The following SS18 variants were observed in gnomAD, a reference collection of about 807,000 sequenced individuals.
SS18 encodes SS18 subunit of BAF chromatin remodeling complex.
Under a neutral mutation model 72.5 loss-of-function variants are expected in SS18, and 28 were observed. The observed-to-expected ratio is 0.39, with a 90% CI of 0.29 to 0.53. The LOEUF is 0.53. Among genes scored for constraint, SS18 ranks in the 20% least tolerant of loss-of-function variants. The pLI, the probability that SS18 is intolerant of heterozygous loss-of-function variation, is 0.76. For missense variants in SS18, 518 were observed against 535.3 expected (o/e 0.97, Z 0.32); for synonymous variants, 172 against 164.2 (o/e 1.05, Z -0.37).
chr18:26,053,161 A>T (rs2053952813), intron 4 of SS18, among the ~76,000 whole-genome samples: 1 of 152,188 alleles, frequency 6.6e-6, no homozygotes, highest in South Asian at 2.1e-4. Flanking sequence ...AGACTAACAG[A>T]TCGATTGAAC....
intron 3 of SS18, among the ~76,000 whole-genome samples, chr18:26,069,527 G>GA (rs2054277956): frequency 7.3e-6 from 1 of 137,646 alleles, no homozygotes; most frequent in Non-Finnish European, 1.6e-5. Flanking sequence ...AAAAAAAAAA[G>GA]AAAAAGAAAG....
intron 1 of SS18, among the ~76,000 whole-genome samples, chr18:26,089,267 G>A (rs532413333): frequency 6.6e-6 from 1 of 152,110 alleles, no homozygotes; most frequent in South Asian, 2.1e-4. Flanking sequence ...AAATAAAAAA[G>A]GTGAGCCCTC....
At chr18:26,073,444 G>A (rs1325535395) in intron 3 of SS18, among the ~76,000 whole-genome samples, 2 of 152,110 alleles carry the variant, frequency 1.3e-5, no homozygotes, top group East Asian at 3.8e-4. Flanking sequence ...ATAAAGATCA[G>A]AAATTAATCA....
Position 26,016,861 on chromosome 18 carries a change from C to T in SS18, c.*1493G>A. 4.3e-6 allele frequency: 1 copy of T among 230,834 alleles called. No individual in the cohort carries two copies. Among genetic ancestry groups the T allele is most frequent in the Non-Finnish European group, 8.6e-6 (1 of 116,306 alleles). 14.3% of individuals were successfully genotyped at this position (230,834 alleles called of 1,614,324 possible). A position where few individuals can be genotyped will look rare whatever the true frequency, so the allele number is the denominator to read the frequency against. ...CCTTTTGATTACAGTATGTTGAGAA[C>T]AGTATGTTCTGCTTATTCAAATTTA... On this transcript the variant is annotated 3_prime_UTR_variant, in exon 11 of 11. Coordinates refer to ENST00000415083, the MANE Select transcript of SS18 (RefSeq NM_001007559.3).
chr18:26,027,817 C>G (rs73401868), intron 10 of SS18, among the ~76,000 whole-genome samples: 2,096 of 150,482 alleles, frequency 0.014, 39 homozygotes, highest in African/African-American at 0.049. Flanking sequence ...CAAAATGAAT[C>G]ATAGACTTAA....
intron 3 of SS18, among the ~76,000 whole-genome samples, chr18:26,070,315 C>A (rs943392127): frequency 6.6e-6 from 1 of 152,138 alleles, no homozygotes; most frequent in Non-Finnish European, 1.5e-5. Flanking sequence ...GAGTAGTGCA[C>A]ATTTTGAATT....
chr18:26,027,817 C>CATAG (rs2053477847), intron 10 of SS18, among the ~76,000 whole-genome samples: 1 of 150,388 alleles, frequency 6.6e-6, no homozygotes, highest in Admixed American at 6.6e-5. Flanking sequence ...CAAAATGAAT[C>CATAG]ATAGACTTAA....
chr18:26,090,468 G>A (rs771108533), intron 1 of SS18, 33 bp downstream of exon 1: 1 of 1,551,084 alleles, frequency 6.4e-7, no homozygotes, highest in Non-Finnish European at 8.7e-7. Context: ...GAGGCGGTAA[G>A]GGCCTGGCAT....
chr18:26,040,709 T>A (rs2053708267), intron 5 of SS18, among the ~76,000 whole-genome samples: 1 of 152,228 alleles, frequency 6.6e-6, no homozygotes, highest in Admixed American at 6.5e-5. Flanking sequence ...GAGTACTTTA[T>A]CAGAGATAAC....
intron 5 of SS18, among the ~76,000 whole-genome samples, chr18:26,047,758 G>A (rs183302708): frequency 6.6e-6 from 1 of 152,308 alleles, no homozygotes; most frequent in Non-Finnish European, 1.5e-5. Context: ...CAGGAGAATG[G>A]CATGAACCCA....
intron 5 of SS18, among the ~76,000 whole-genome samples, chr18:26,040,312 C>T (rs2053701830): frequency 6.6e-6 from 1 of 152,152 alleles, no homozygotes; most frequent in Non-Finnish European, 1.5e-5. Flanking sequence ...CCCACATTGC[C>T]ATCTAACAAT....
chr18:26,052,842 G>T lies in SS18; in HGVS notation c.389C>A (p.Pro130His). 6.2e-7 allele frequency: 1 copy of T among 1,611,136 alleles called. No individual in the cohort carries two copies. Among genetic ancestry groups the T allele is most frequent in the Non-Finnish European group, 8.5e-7 (1 of 1,177,518 alleles). The change falls in exon 5 of 11, where the codon CCT becomes CAT. Residue 130 changes from proline to histidine, a missense_variant. Coordinates refer to ENST00000415083, the MANE Select transcript of SS18 (RefSeq NM_001007559.3). ...QNQMNGQMPG[P>H]NHMPMQGPGP... ...AGGTCCCTGCATAGGCATATGGTTA[G>T]GCCCTTTGAAGAAAAATGATCAGAA...
intron 10 of SS18, among the ~76,000 whole-genome samples, chr18:26,031,742 A>G (rs73401875): frequency 0.012 from 1,795 of 152,252 alleles, 26 homozygotes; most frequent in African/African-American, 0.041. Context: ...CAGGGGAGAA[A>G]TAACAGTTGA....
intron 3 of SS18, among the ~76,000 whole-genome samples, chr18:26,062,321 A>G (rs2054137876): frequency 6.6e-6 from 1 of 152,214 alleles, no homozygotes; most frequent in Non-Finnish European, 1.5e-5. Context: ...GTATTTTTCA[A>G]CAAGTGTTAA....
At chr18:26,033,711 GT>G (rs888394445) in intron 9 of SS18, among the ~76,000 whole-genome samples, 9 of 151,638 alleles carry the variant, frequency 5.9e-5, no homozygotes, top group African/African-American at 1.7e-4. Context: ...TGGAAATAAA[GT>G]TTTTTTTGGA....
In SS18 at chr18:26,032,501, A is replaced by T; in HGVS notation, c.1128T>A (p.Tyr376Ter). The change falls in exon 10 of 11, where the codon TAT becomes TAA. Residue 376 changes from tyrosine to a stop codon, truncating the protein, a stop_gained. Coordinates refer to ENST00000415083, the MANE Select transcript of SS18 (RefSeq NM_001007559.3). LOFTEE classifies it high-confidence loss of function. Reference protein sequence around the residue: ...GPSQGGPGPQYPNYPQGQGQQ... With the variant: ...GPSQGGPGPQ ...GACCTTGTCCCTGTGGGTAGTTAGG[A>T]TACTGAGGACCTGGACCACCCTGTG... is the stretch of plus-strand genomic sequence containing the variant. 6.2e-7 allele frequency: 1 copy of T among 1,613,758 alleles called. No individual in the cohort carries two copies. The highest frequency in any genetic ancestry group is 8.5e-7 in the Non-Finnish European group (1 of 1,179,818).
intron 2 of SS18, chr18:26,080,326 A>G: frequency 1.0e-6 from 1 of 985,360 alleles, no homozygotes; most frequent in African/African-American, 1.7e-5. Flanking sequence ...TAGGCCTTCA[A>G]GTTTTCCTTT....
chr18:26,018,039 T>C lies in SS18; in HGVS notation c.*315A>G, dbSNP rs1432751176. 8 of 275,184 alleles carry C rather than the reference T, an allele frequency of 2.9e-5. No individual in the cohort carries two copies. Among genetic ancestry groups the C allele is most frequent in the Non-Finnish European group, 5.5e-5 (8 of 145,736 alleles). The allele number at this position is 275,184 out of a possible 1,614,324, so 17.0% of individuals were successfully genotyped here. A position where few individuals can be genotyped will look rare whatever the true frequency, so the allele number is the denominator to read the frequency against. On this transcript the variant is annotated 3_prime_UTR_variant, in exon 11 of 11. Coordinates refer to ENST00000415083, the MANE Select transcript of SS18 (RefSeq NM_001007559.3). ...CTTACCCTTCATAAACATACAAAGC[T>C]GTTCACACCTTTCAGTCTGTAACAG...
intron 5 of SS18, among the ~76,000 whole-genome samples, chr18:26,044,328 A>AT (rs56030633): frequency 0.086 from 12,015 of 140,400 alleles, 797 homozygotes; most frequent in African/African-American, 0.18. Context: ...ATTTTTTTAG[A>AT]TTTTTTTTTT....
Sources: gnomAD v4.1 joint callset for allele counts (sites outside exome capture counted in the v4.1 genomes callset) on GRCh38, gnomAD v4.1.1 for gene constraint, MANE v1.5 for transcripts, NCBI Gene and HGNC (gene_info 2026-07-23, HGNC 2026-07-21) for gene names.